Variants in PDZRN3 observed in about 807,000 individuals in gnomAD.
PDZRN3 encodes the protein PDZ domain containing ring finger 3, also known as E3 ubiquitin-protein ligase PDZRN3.
PDZRN3 carries 38 observed loss-of-function variants against 85.7 expected under a neutral mutation model. The observed-to-expected ratio is 0.44, with a 90% CI of 0.34 to 0.58. The LOEUF (loss-of-function observed/expected upper bound fraction) is 0.58, where lower values mean the gene tolerates loss of function less well. Among genes scored for constraint, PDZRN3 ranks in the 20% least tolerant of loss-of-function variants. The pLI, the probability that PDZRN3 is intolerant of heterozygous loss-of-function variation, is 0.01. For synonymous variants in PDZRN3, 759 were observed against 638.0 expected (o/e 1.19, Z -2.86); for missense variants, 1,629 against 1,506.4 (o/e 1.08, Z -1.35).
chr3:73,385,069 C>A, intron 9 of PDZRN3, 139 bp from the exon 10 acceptor site: 1 of 955,260 alleles, frequency 1.0e-6, no homozygotes, highest in East Asian at 2.6e-5. Context: ...ACAGTAGGAC[C>A]ACGTCAATAG....
At chr3:73,569,387 T>C in intron 3 of PDZRN3, 1 of 1,199,448 alleles carries the variant, frequency 8.3e-7, no homozygotes, top group Non-Finnish European at 1.1e-6. Context: ...GCCACATGTG[T>C]GCCGCATACC....
intron 3 of PDZRN3, among the ~76,000 whole-genome samples, chr3:73,588,725 TAC>T (rs1325445019): frequency 3.3e-5 from 5 of 152,256 alleles, no homozygotes; most frequent in South Asian, 4.1e-4. Flanking sequence ...ACTTTCCATT[TAC>T]AGTCATGACA....
rs1158086302 is a variant in PDZRN3 at position 73,602,550 on chromosome 3, T to G, written c.811-89A>C. On this transcript the variant is annotated intron_variant, in intron 2 of 9. Coordinates refer to ENST00000263666, the MANE Select transcript of PDZRN3 (RefSeq NM_015009.3). ...TTGCACTCTTAAAACAGTAATTGAC[T>G]CTTGCTGTGTCAAGAGTGGCAATAG... 5.2e-5 allele frequency: 37 copies of G among 717,602 alleles called. No homozygotes were observed. The East Asian group carries it at 9.2e-4, about 18-fold the overall frequency. 44.5% of individuals were successfully genotyped at this position (717,602 alleles called of 1,614,324 possible).
At chr3:73,555,640 A>G (rs1701676874) in intron 3 of PDZRN3, among the ~76,000 whole-genome samples, 1 of 152,162 alleles carries the variant, frequency 6.6e-6, no homozygotes, top group African/African-American at 2.4e-5. Context: ...CAAGTCCTAT[A>G]CTTTGGGGAG....
intron 3 of PDZRN3, among the ~76,000 whole-genome samples, chr3:73,585,839 G>C (rs1304643853): frequency 6.6e-6 from 1 of 152,192 alleles, no homozygotes; most frequent in Non-Finnish European, 1.5e-5. Context: ...ACAGGACAAA[G>C]GTGACCAATG....
intron 3 of PDZRN3, among the ~76,000 whole-genome samples, chr3:73,578,291 T>A (rs930696790): frequency 2.6e-5 from 4 of 151,240 alleles, no homozygotes; most frequent in African/African-American, 9.7e-5. Context: ...TGCCTCAGCC[T>A]CCGAGTAGCT....
chr3:73,482,375 A>G (rs1484992010), intron 3 of PDZRN3, among the ~76,000 whole-genome samples: 1 of 152,188 alleles, frequency 6.6e-6, no homozygotes, highest in Non-Finnish European at 1.5e-5. Context: ...AGATAAATCC[A>G]CTGGAGAGTC....
chr3:73,402,941 C>CTTTTTT (rs140037400), intron 4 of PDZRN3, among the ~76,000 whole-genome samples: 12 of 115,650 alleles, frequency 1.0e-4, no homozygotes, highest in African/African-American at 2.6e-4. Context: ...ACATGAAAAG[C>CTTTTTT]TTTTTTTTTT....
chr3:73,541,956 G>A (rs1704934376), intron 3 of PDZRN3, among the ~76,000 whole-genome samples: 1 of 152,122 alleles, frequency 6.6e-6, no homozygotes, highest in Non-Finnish European at 1.5e-5. Flanking sequence ...TAGTATTTGA[G>A]TAATAATTTT....
rs951714780 is a variant in PDZRN3, at chr3:73,444,413, G to C, written c.919-40018C>G. On this transcript the variant is annotated intron_variant, in intron 3 of 9. Transcript: ENST00000263666. ...AATGTTATGCTAAGTGTCTAGGACA[G>C]AATGGTGACTGTGGCCAGCCTCTTC... Among the ~76,000 whole-genome samples the C allele has an allele frequency of 2.0e-5, 3 of 152,328 alleles. No individual in the cohort carries two copies. In the South Asian group the frequency reaches 6.2e-4, roughly 32 times the overall value.
intron 3 of PDZRN3, among the ~76,000 whole-genome samples, chr3:73,523,990 A>C (rs1704459493): frequency 2.0e-5 from 3 of 152,218 alleles, no homozygotes; most frequent in Admixed American, 2.0e-4. Flanking sequence ...ATTTGCAAAA[A>C]TCAGTAATGG....
intron 3 of PDZRN3, among the ~76,000 whole-genome samples, chr3:73,543,971 C>T (rs751430854): frequency 2.0e-5 from 3 of 152,202 alleles, no homozygotes; most frequent in Non-Finnish European, 2.9e-5. Context: ...ATTCCCAGCG[C>T]TCTGCCGAAG....
intron 3 of PDZRN3, among the ~76,000 whole-genome samples, chr3:73,502,291 T>C (rs762664757): frequency 6.6e-6 from 1 of 152,192 alleles, no homozygotes; most frequent in African/African-American, 2.4e-5. Context: ...TTTGGGGTAA[T>C]AATTATGCAT....
Position 73,384,468 on chromosome 3 carries a change from G to A in PDZRN3, c.2098C>T (p.Leu700=). The A allele has an allele frequency of 6.2e-7, 1 of 1,613,124 alleles. No individual in the cohort carries two copies. Among genetic ancestry groups the A allele is most frequent in the Non-Finnish European group, 8.5e-7 (1 of 1,180,000 alleles). The change falls in exon 10 of 10, where the codon CTG becomes TTG. Residue 700 remains leucine, a synonymous_variant. Transcript: ENST00000263666. ...EELRSIELEC[L]SIVRAHKMQQ... is the part of the protein sequence containing the mutation. Reference sequence around the variant, plus strand: ...ATCTTGTGGGCGCGCACGATGCTCAGGCACTCCAGCTCGATGCTGCGCAGC... The same window carrying A: ...ATCTTGTGGGCGCGCACGATGCTCAAGCACTCCAGCTCGATGCTGCGCAGC...
chr3:73,569,076 T>A, intron 3 of PDZRN3: 1 of 875,196 alleles, frequency 1.1e-6, no homozygotes, highest in East Asian at 6.2e-5. Context: ...TGGCCCAAAG[T>A]ATGTGCTGCA....
rs140406871 is a variant in PDZRN3 at position 73,547,606 on chromosome 3, G to C, written c.918+54748C>G. ...CTCTGCTCACAGGACAGAGAGAAGA[G>C]GCTCAGCTGGAAATAACTACATAGA... On this transcript the variant is annotated intron_variant, in intron 3 of 9. Transcript: ENST00000263666. Among the ~76,000 whole-genome samples, 557 of 152,370 alleles carry C rather than the reference G, an allele frequency of 3.7e-3. 1 individual carries two copies. The highest frequency in any genetic ancestry group is 6.8e-3 in the Middle Eastern group (2 of 294).
chr3:73,394,738 C>T (rs1002192875), intron 5 of PDZRN3, among the ~76,000 whole-genome samples: 1 of 152,176 alleles, frequency 6.6e-6, no homozygotes, highest in African/African-American at 2.4e-5. Flanking sequence ...TTAGAAGGCA[C>T]AGGATACCAC....
chr3:73,538,825 G>A (rs753092834), intron 3 of PDZRN3, among the ~76,000 whole-genome samples: 4 of 152,128 alleles, frequency 2.6e-5, no homozygotes, highest in Non-Finnish European at 5.9e-5. Flanking sequence ...CAGCCCAACT[G>A]ATGCATAAGA....
At chr3:73,589,755 T>C (rs963410200) in intron 3 of PDZRN3, among the ~76,000 whole-genome samples, 5 of 152,224 alleles carry the variant, frequency 3.3e-5, no homozygotes, top group Non-Finnish European at 7.3e-5. Context: ...ACAGACTATA[T>C]ACAAAACAGC....
Sources: gnomAD v4.1 joint callset for allele counts (sites outside exome capture counted in the v4.1 genomes callset) on GRCh38, gnomAD v4.1.1 for gene constraint, MANE v1.5 for transcripts, NCBI Gene and HGNC (gene_info 2026-07-23, HGNC 2026-07-21) for gene names.